The following KCNIP1 variants were observed in gnomAD, a reference collection of about 807,000 sequenced individuals.
KCNIP1 encodes A-type potassium channel modulatory protein KCNIP1.
A neutral mutation model predicts 33.0 loss-of-function variants in KCNIP1; 18 were observed. That is an observed-to-expected ratio of 0.55 (90% CI 0.38 to 0.81). The LOEUF (loss-of-function observed/expected upper bound fraction) is 0.81. Ranked by LOEUF, KCNIP1 falls within the 30% of genes least tolerant of loss-of-function variation. The pLI, the probability that KCNIP1 is intolerant of heterozygous loss-of-function variation, is 0.00. For missense variants in KCNIP1, 238 were observed against 271.6 expected (o/e 0.88, Z 0.87); for synonymous variants, 93 against 98.3 (o/e 0.95, Z 0.32).
chr5:170,396,710 G>A (rs547867544), intron 1 of KCNIP1, among the ~76,000 whole-genome samples: 3 of 152,322 alleles, frequency 2.0e-5, no homozygotes, highest in South Asian at 2.1e-4. Flanking sequence ...AAAGAACCAC[G>A]AAGGGGGGTT....
intron 1 of KCNIP1, among the ~76,000 whole-genome samples, chr5:170,467,917 CAAAA>C (rs55671124): frequency 4.5e-4 from 19 of 41,952 alleles, no homozygotes; most frequent in South Asian, 1.7e-3. Context: ...GATTCCATCT[CAAAA>C]AAAAAAAAAA....
chr5:170,596,538 A>G (rs12652381), intron 1 of KCNIP1, among the ~76,000 whole-genome samples: 47,789 of 152,150 alleles, frequency 0.31, 9,069 homozygotes, highest in Admixed American at 0.43. Context: ...ACAATAGAGG[A>G]AACACCACCC....
At chr5:170,412,247 G>A (rs2113408690) in intron 1 of KCNIP1, among the ~76,000 whole-genome samples, 1 of 151,856 alleles carries the variant, frequency 6.6e-6, no homozygotes, top group South Asian at 2.1e-4. Context: ...TTTTTTTTAG[G>A]TCATGCAGGC....
rs918895553 is a variant in KCNIP1, at chr5:170,437,644, C to T, written c.88+83680C>T. On this transcript the variant is annotated intron_variant, in intron 1 of 7. Coordinates refer to the KCNIP1 transcript ENST00000377360. ...GCAGGCTCAGAGACAGGAGGTGGAC[C>T]GGCCGGAGCAGAACGGACCCTCCCC... is the stretch of plus-strand genomic sequence containing the variant. Among the ~76,000 whole-genome samples the T allele has an allele frequency of 5.3e-5, 8 of 152,226 alleles. No homozygotes were observed. The East Asian group carries it at 1.2e-3, about 22-fold the overall frequency.
intron 1 of KCNIP1, among the ~76,000 whole-genome samples, chr5:170,590,758 G>C (rs1394302934): frequency 6.6e-6 from 1 of 152,246 alleles, no homozygotes; most frequent in African/African-American, 2.4e-5. Context: ...CCAAGTGTCT[G>C]TGGCTGAAAC....
chr5:170,507,431 C>G (rs185216329), intron 1 of KCNIP1, among the ~76,000 whole-genome samples: 1 of 152,334 alleles, frequency 6.6e-6, no homozygotes, highest in South Asian at 2.1e-4. Context: ...ATTTATGGCT[C>G]TATTGTTTGG....
chr5:170,386,254 TGA>T (rs1764467966), intron 1 of KCNIP1, among the ~76,000 whole-genome samples: 3 of 151,952 alleles, frequency 2.0e-5, no homozygotes, highest in Admixed American at 2.0e-4. Flanking sequence ...ATTAAACAGA[TGA>T]GAAAGCTAAG....
rs77809086 is a variant in KCNIP1 at position 170,444,207 on chromosome 5, C to A, written c.88+90243C>A. On this transcript the variant is annotated intron_variant, in intron 1 of 7. Coordinates refer to the KCNIP1 transcript ENST00000377360. ...CAAAATGACTCTCCCTGGGCTGGATCCGGGTGTTGGCAGAGCTGCGTTCCT... is the reference window on the plus strand; with the variant it reads ...CAAAATGACTCTCCCTGGGCTGGATACGGGTGTTGGCAGAGCTGCGTTCCT... Among the ~76,000 whole-genome samples, 104 of 152,214 alleles carry A rather than the reference C, an allele frequency of 6.8e-4. No homozygotes were observed. The East Asian group carries it at 0.013, about 19-fold the overall frequency.
intron 5 of KCNIP1, among the ~76,000 whole-genome samples, chr5:170,727,417 A>C (rs185075044): frequency 3.3e-5 from 5 of 152,338 alleles, no homozygotes; most frequent in Admixed American, 3.3e-4. Flanking sequence ...AACATTCATC[A>C]AACAGTACAC....
At chr5:170,362,161 T>C (rs1382567797) in intron 1 of KCNIP1, among the ~76,000 whole-genome samples, 1 of 152,186 alleles carries the variant, frequency 6.6e-6, no homozygotes, top group Non-Finnish European at 1.5e-5. Context: ...AGTGCTCTAA[T>C]TAACCCCACT....
At chr5:170,366,156 C>G (rs1435166046) in intron 1 of KCNIP1, among the ~76,000 whole-genome samples, 2 of 152,226 alleles carry the variant, frequency 1.3e-5, no homozygotes, top group African/African-American at 2.4e-5. Flanking sequence ...AGAGCTCACA[C>G]TGTATTCATT....
At chr5:170,539,766 G>A (rs2113375194) in intron 1 of KCNIP1, among the ~76,000 whole-genome samples, 1 of 152,306 alleles carries the variant, frequency 6.6e-6, no homozygotes, top group Admixed American at 6.5e-5. Context: ...TGCTCAACAA[G>A]TTGTTAAGGA....
At chr5:170,603,787 G>A (rs1758790818) in intron 1 of KCNIP1, among the ~76,000 whole-genome samples, 1 of 152,194 alleles carries the variant, frequency 6.6e-6, no homozygotes, top group Non-Finnish European at 1.5e-5. Context: ...GACACATGGA[G>A]CCCAGATCCG....
At chr5:170,413,928 TAAAAAAA>T (rs3051750) in intron 1 of KCNIP1, among the ~76,000 whole-genome samples, 1 of 138,318 alleles carries the variant, frequency 7.2e-6, no homozygotes, top group African/African-American at 2.7e-5. Flanking sequence ...GAGTGGAAGT[TAAAAAAA>T]AAAAAAAAAA....
chr5:170,713,213 T>G (rs1442636750), intron 1 of KCNIP1, among the ~76,000 whole-genome samples: 1 of 152,258 alleles, frequency 6.6e-6, no homozygotes, highest in Non-Finnish European at 1.5e-5. Flanking sequence ...GGTCTTCACC[T>G]CCTAATCTAA....
chr5:170,390,699 G>T (rs773951445), intron 1 of KCNIP1, among the ~76,000 whole-genome samples: 24 of 151,638 alleles, frequency 1.6e-4, no homozygotes, highest in Non-Finnish European at 2.5e-4. Context: ...AACCCTAGGG[G>T]CCAGAACTAG....
intron 1 of KCNIP1, among the ~76,000 whole-genome samples, chr5:170,407,118 G>A (rs1277014162): frequency 2.0e-5 from 3 of 152,208 alleles, no homozygotes; most frequent in Non-Finnish European, 4.4e-5. Context: ...AGGGTCTGTG[G>A]TGCGCATGGT....
At chr5:170,447,871 C>A (rs1756156789) in intron 1 of KCNIP1, among the ~76,000 whole-genome samples, 2 of 151,800 alleles carry the variant, frequency 1.3e-5, no homozygotes, top group Admixed American at 1.3e-4. Flanking sequence ...TTCCCTTTCA[C>A]CTTGAGGCCT....
chr5:170,505,163 T>C (rs569602761), intron 1 of KCNIP1, among the ~76,000 whole-genome samples: 80 of 152,170 alleles, frequency 5.3e-4, no homozygotes, highest in Non-Finnish European at 1.0e-3. Context: ...CCAGGCCTCA[T>C]GTCCTGGTGG....
Sources: allele counts gnomAD v4.1 joint callset (sites outside exome capture counted in the v4.1 genomes callset), GRCh38; gene constraint gnomAD v4.1.1; transcripts MANE v1.5; gene names NCBI Gene and HGNC (gene_info 2026-07-23, HGNC 2026-07-21).